The following SAMM50 variants were observed in gnomAD, a reference collection of about 807,000 sequenced individuals.
SAMM50 encodes the protein sorting and assembly machinery component 50 homolog.
Under a neutral mutation model 66.9 loss-of-function variants are expected in SAMM50, and 47 were observed. The ratio of observed to expected loss-of-function variants is 0.70; its 90% confidence interval spans 0.56 to 0.90. The LOEUF is 0.90. Among genes scored for constraint, SAMM50 ranks in the 40% least tolerant of loss-of-function variants. The pLI is 0.00. For synonymous variants in SAMM50, 191 were observed against 214.1 expected, an observed-to-expected ratio of 0.89 and a Z score of 0.94; for missense variants, 535 against 595.3, an observed-to-expected ratio of 0.90 and a Z score of 1.05.
At chr22:43,973,765 C>T (rs370292439) in intron 7 of SAMM50, among the ~76,000 whole-genome samples, 1 of 152,096 alleles carries the variant, frequency 6.6e-6, no homozygotes, top group African/African-American at 2.4e-5. Context: ...CCTCCGTCAC[C>T]GTGCCCAGCT....
chr22:43,958,489 T>C (rs2050131286), intron 1 of SAMM50, among the ~76,000 whole-genome samples: 1 of 148,506 alleles, frequency 6.7e-6, no homozygotes, highest in Admixed American at 6.7e-5. Flanking sequence ...TTTTTTTTTT[T>C]TTTTTTTGAG....
In SAMM50 at chr22:43,964,696, C is replaced by G. The variant is rs550877174; in HGVS notation, c.234+143C>G. 25 of 550,190 alleles carry G rather than the reference C, an allele frequency of 4.5e-5. No homozygotes were observed. In the African/African-American group the frequency reaches 4.6e-4, roughly 10 times the overall value. 34.1% of individuals were successfully genotyped at this position (550,190 alleles called of 1,614,324 possible). On this transcript the variant is annotated intron_variant, in intron 3 of 14. Coordinates refer to ENST00000350028, the MANE Select transcript of SAMM50 (RefSeq NM_015380.5). ...TACCCCACAGGGAGCCTTGGCACCCCCAAGCTGAACCCCCCGAATTCCTGT... is the reference window on the plus strand; with the variant it reads ...TACCCCACAGGGAGCCTTGGCACCCGCAAGCTGAACCCCCCGAATTCCTGT...
At chr22:43,969,495 G>A (rs1277653699) in intron 4 of SAMM50, among the ~76,000 whole-genome samples, 1 of 152,154 alleles carries the variant, frequency 6.6e-6, no homozygotes, top group South Asian at 2.1e-4. Flanking sequence ...AAGGGGCTTC[G>A]GTCAGTGGGG....
At chr22:43,994,953 T>G (rs1178227670) in intron 14 of SAMM50, among the ~76,000 whole-genome samples, 1 of 152,238 alleles carries the variant, frequency 6.6e-6, no homozygotes, top group South Asian at 2.1e-4. Context: ...GACTTCCTTT[T>G]TAGCTCCTAG....
Position 43,963,274 on chromosome 22 carries a change from C to A in SAMM50, c.22-12C>A. 6.4e-7 allele frequency: 1 copy of A among 1,551,354 alleles called. No homozygotes were observed. Among genetic ancestry groups the A allele is most frequent in the Non-Finnish European group, 8.8e-7 (1 of 1,131,334 alleles). ...CAAAGTCATTTATCTGTGGTCGCTC[C>A]CTCCCTTTCAGAGTTTGGAGCCTCT... On this transcript the variant is annotated splice_polypyrimidine_tract_variant and intron_variant, in intron 1 of 14. Transcript: ENST00000350028.
At chr22:43,955,927 C>T (rs1392460205) in intron 1 of SAMM50, among the ~76,000 whole-genome samples, 1 of 152,244 alleles carries the variant, frequency 6.6e-6, no homozygotes, top group Admixed American at 6.5e-5. Context: ...TCTCTCTTTA[C>T]TGGTCACTTC....
At chr22:43,970,184 C>T (rs935745082) in intron 4 of SAMM50, among the ~76,000 whole-genome samples, 32 of 152,240 alleles carry the variant, frequency 2.1e-4, no homozygotes, top group Non-Finnish European at 3.2e-4. Flanking sequence ...TGTGGTGCTG[C>T]GTTCCCTGAG....
intron 4 of SAMM50, among the ~76,000 whole-genome samples, chr22:43,971,476 A>G (rs995235749): frequency 2.6e-5 from 4 of 152,144 alleles, no homozygotes; most frequent in African/African-American, 2.4e-5. Flanking sequence ...CCTCTTACAC[A>G]CAGTAACACA....
intron 3 of SAMM50, among the ~76,000 whole-genome samples, chr22:43,965,635 T>G (rs936697135): frequency 3.9e-5 from 6 of 152,228 alleles, no homozygotes; most frequent in Non-Finnish European, 5.9e-5. Context: ...AATCCCAGTC[T>G]GCTCTCCAGA....
In SAMM50 at chr22:43,990,413, G is replaced by C. The variant is rs2050317542; in HGVS notation, c.1364+7G>C. 6.2e-7 allele frequency: 1 copy of C among 1,613,424 alleles called. No individual in the cohort carries two copies. The highest frequency in any genetic ancestry group is 1.7e-5 in the Admixed American group (1 of 59,928). On this transcript the variant is annotated splice_region_variant and intron_variant, in intron 14 of 14. Coordinates refer to ENST00000350028, the MANE Select transcript of SAMM50 (RefSeq NM_015380.5). ...GAGTACAGACAGGCGACAGGTACGT[G>C]TTGGGAATTATTTTCCACAATCACA...
At chr22:43,990,156 A>G (rs1056886712) in intron 13 of SAMM50, 109 bp from the exon 14 acceptor site, 2 of 1,343,456 alleles carry the variant, frequency 1.5e-6, no homozygotes, top group East Asian at 4.7e-5. Flanking sequence ...GCCTGGCTTT[A>G]AAAACAACTG....
chr22:43,973,329 T>C lies in SAMM50; in HGVS notation c.648+6T>C, dbSNP rs750719541. 10 of 1,553,254 alleles carry C rather than the reference T, an allele frequency of 6.4e-6. No individual in the cohort carries two copies. The African/African-American group carries it at 1.1e-4, about 17-fold the overall frequency. On this transcript the variant is annotated splice_donor_region_variant and intron_variant, in intron 7 of 14. Transcript: ENST00000350028. The stretch of plus-strand genomic sequence containing the variant: ...GAATGTCAGCTGAGTACAGTGTGAG[T>C]AGCATTTCAGTCCTTCCCTCTGGGC...
intron 11 of SAMM50, 74 bp downstream of exon 11, chr22:43,981,535 A>AT: frequency 9.4e-7 from 1 of 1,068,538 alleles, no homozygotes; most frequent in Middle Eastern, 2.0e-4. Context: ...TTTATAAGAT[A>AT]TTTTAGAGAA....
intron 14 of SAMM50, among the ~76,000 whole-genome samples, chr22:43,991,498 G>C (rs753157095): frequency 5.3e-5 from 8 of 151,990 alleles, no homozygotes; most frequent in Non-Finnish European, 1.0e-4. Flanking sequence ...GAATTCCTGG[G>C]CTCAAGCCAT....
intron 1 of SAMM50, among the ~76,000 whole-genome samples, chr22:43,956,579 G>A (rs1356164554): frequency 6.6e-6 from 1 of 152,200 alleles, no homozygotes; most frequent in East Asian, 1.9e-4. Flanking sequence ...TTGCAGCAGA[G>A]AAAGAGTTTC....
chr22:43,968,226 C>CAAAAAAAA (rs66961907), intron 3 of SAMM50, among the ~76,000 whole-genome samples: 56 of 68,520 alleles, frequency 8.2e-4, no homozygotes, highest in Non-Finnish European at 1.0e-3. Flanking sequence ...AACTCTGTCT[C>CAAAAAAAA]AAAAAAAAAA....
chr22:43,987,995 A>G (rs918506535), intron 12 of SAMM50: 3 of 152,156 alleles, frequency 2.0e-5, no homozygotes, highest in Non-Finnish European at 4.4e-5. Flanking sequence ...ATTATAATCC[A>G]CTGGAAGAAA....
In SAMM50 at chr22:43,996,432, C is replaced by G. The variant is rs1227857280; in HGVS notation, c.*49C>G. On this transcript the variant is annotated 3_prime_UTR_variant, in exon 15 of 15. Transcript: ENST00000350028. ...CTGGGACTGGGGCAGCAGCAAGGCG[C>G]CCATGCCACACACCGTCTCTCGAGG... 2 of 1,555,320 alleles carry G rather than the reference C, an allele frequency of 1.3e-6. No homozygotes were observed. Among genetic ancestry groups the G allele is most frequent in the South Asian group, 2.2e-5 (2 of 89,962 alleles).
intron 7 of SAMM50, chr22:43,974,793 G>A (rs1189738253): frequency 6.6e-6 from 1 of 152,288 alleles, no homozygotes; most frequent in Non-Finnish European, 1.5e-5. Flanking sequence ...GCTCCCGGGA[G>A]CTTAGCCACC....
Sources: allele counts gnomAD v4.1 joint callset (sites outside exome capture counted in the v4.1 genomes callset), GRCh38; gene constraint gnomAD v4.1.1; transcripts MANE v1.5; gene names NCBI Gene and HGNC (gene_info 2026-07-23, HGNC 2026-07-21).